RRBP1: variants seen among roughly 807,000 people sequenced by gnomAD.
RRBP1 encodes the protein ribosome-binding protein 1.
A neutral mutation model predicts 165.2 loss-of-function variants in RRBP1; 94 were observed. That is an observed-to-expected ratio of 0.57 (90% CI 0.48 to 0.68). The LOEUF (loss-of-function observed/expected upper bound fraction) is 0.68, where lower values mean the gene tolerates loss of function less well. Ranked by LOEUF, RRBP1 falls within the 30% of genes least tolerant of loss-of-function variation. The probability of loss-of-function intolerance (pLI) is 0.00; values close to 1 mark genes in which losing one functional copy is unlikely to be tolerated. For synonymous variants in RRBP1, 680 were observed against 714.5 expected (o/e 0.95, Z 0.77); for missense variants, 1,676 against 1,763.0 (o/e 0.95, Z 0.88).
intron 2 of RRBP1, among the ~76,000 whole-genome samples, chr20:17,667,702 C>T (rs770312203): frequency 3.3e-5 from 5 of 152,234 alleles, no homozygotes; most frequent in Non-Finnish European, 5.9e-5. Context: ...TTGTTTGGTT[C>T]CGGATAGCTG....
chr20:17,613,721 G>A lies in RRBP1; in HGVS notation c.*461C>T, dbSNP rs1409023626. The A allele has an allele frequency of 6.4e-6, 1 of 156,016 alleles. No individual in the cohort carries two copies. The highest frequency in any genetic ancestry group is 1.9e-4 in the East Asian group (1 of 5,354). The allele number at this position is 156,016 out of a possible 1,614,324, so 9.7% of individuals were successfully genotyped here. A position where few individuals can be genotyped will look rare whatever the true frequency, so the allele number is the denominator to read the frequency against. On this transcript the variant is annotated 3_prime_UTR_variant, in exon 25 of 25. Coordinates refer to ENST00000377813, the MANE Select transcript of RRBP1 (RefSeq NM_001365613.2). ...GTTTTAATGGCATCAACACCCAGGA[G>A]GTCACACGTCAGTTCTGGTTGGCAA...
intron 2 of RRBP1, among the ~76,000 whole-genome samples, chr20:17,674,421 T>C (rs560805870): frequency 6.6e-6 from 1 of 152,024 alleles, no homozygotes; most frequent in Admixed American, 6.6e-5. Context: ...CCTCACTTCC[T>C]AGCACGATGA....
At chr20:17,615,904 G>A in intron 22 of RRBP1, 22 bp downstream of exon 22, 1 of 1,598,490 alleles carries the variant, frequency 6.3e-7, no homozygotes, top group East Asian at 2.2e-5. Flanking sequence ...TGGGGGCTGA[G>A]AGCCACCAGG....
chr20:17,635,796 G>T, intron 6 of RRBP1, 132 bp from the exon 7 acceptor site: 1 of 723,982 alleles, frequency 1.4e-6, no homozygotes, highest in African/African-American at 1.8e-5. Flanking sequence ...CCACGTGGAA[G>T]TTAAGAGGAT....
At chr20:17,636,819 G>C (rs1055646999) in intron 5 of RRBP1, 90 bp from the exon 6 acceptor site, 36 of 1,524,682 alleles carry the variant, frequency 2.4e-5, no homozygotes, top group Non-Finnish European at 3.0e-5. Context: ...CGAGCTGGGA[G>C]GCTGGAGAGC....
chr20:17,620,451 G>T, intron 17 of RRBP1, 81 bp from the exon 18 acceptor site: 12 of 1,315,756 alleles, frequency 9.1e-6, no homozygotes, highest in Non-Finnish European at 1.3e-5. Context: ...ACCCGAGCGG[G>T]ACTGACCCAA....
At position 17,624,627 on chromosome 20, in the gene RRBP1, G is replaced by A. The variant is rs1331967502; in HGVS notation, c.3096C>T (p.Ala1032=). The A allele has an allele frequency of 3.8e-6, 6 of 1,591,992 alleles. No individual in the cohort carries two copies. In the East Asian group the frequency reaches 1.1e-4, roughly 30 times the overall value. ...EKNWKAMEAL[A]TAEQACKEKL... Reference sequence around the variant, plus strand: ...TCTCCTTGCAGGCCTGCTCGGCCGTGGCCAGTGCCTCCATGGCCTTCCAGT... The same window carrying A: ...TCTCCTTGCAGGCCTGCTCGGCCGTAGCCAGTGCCTCCATGGCCTTCCAGT... The change falls in exon 13 of 25, where the codon GCC becomes GCT. Residue 1032 remains alanine (A), a synonymous_variant. Coordinates refer to ENST00000377813, the MANE Select transcript of RRBP1 (RefSeq NM_001365613.2).
chr20:17,627,280 C>T, intron 11 of RRBP1, 68 bp downstream of exon 11: 2 of 1,543,354 alleles, frequency 1.3e-6, no homozygotes, highest in East Asian at 4.5e-5. Context: ...AAAACCCTGG[C>T]CCCCCAAGGG....
intron 3 of RRBP1, among the ~76,000 whole-genome samples, chr20:17,657,010 T>A (rs902596298): frequency 6.6e-6 from 1 of 152,220 alleles, no homozygotes; most frequent in Non-Finnish European, 1.5e-5. Context: ...ATCATCACAC[T>A]TCTGTTTTGT....
At chr20:17,648,706 T>G (rs2036506971) in intron 3 of RRBP1, among the ~76,000 whole-genome samples, 1 of 152,256 alleles carries the variant, frequency 6.6e-6, no homozygotes, top group Admixed American at 6.5e-5. Context: ...ATTGAAGAAC[T>G]GTTTTCCTCT....
intron 20 of RRBP1, 29 bp from the exon 21 acceptor site, chr20:17,616,868 T>TGCA: frequency 1.3e-6 from 2 of 1,541,826 alleles, no homozygotes; most frequent in Non-Finnish European, 1.8e-6. Flanking sequence ...TGTTTGCAAA[T>TGCA]GCACAGCCAG....
chr20:17,640,385 C>G (rs938119260), intron 5 of RRBP1, among the ~76,000 whole-genome samples: 1 of 152,192 alleles, frequency 6.6e-6, no homozygotes, highest in South Asian at 2.1e-4. Flanking sequence ...CACGAAAGGG[C>G]ACAGAATGTC....
chr20:17,654,268 T>C (rs2122422089), intron 3 of RRBP1, among the ~76,000 whole-genome samples: 1 of 152,336 alleles, frequency 6.6e-6, no homozygotes, highest in South Asian at 2.1e-4. Context: ...ATGATGGAAC[T>C]GGTGGCAGCA....
chr20:17,637,793 C>T (rs1214798047), intron 5 of RRBP1, among the ~76,000 whole-genome samples: 1 of 152,234 alleles, frequency 6.6e-6, no homozygotes, highest in Non-Finnish European at 1.5e-5. Flanking sequence ...ATCTTTTTGG[C>T]TCTGCCCGGG....
chr20:17,619,562 G>C (rs1478112662), intron 19 of RRBP1, 71 bp downstream of exon 19: 2 of 1,102,726 alleles, frequency 1.8e-6, no homozygotes, highest in African/African-American at 3.7e-5. Flanking sequence ...CCACAGGGCT[G>C]AGGAGAAGCA....
At chr20:17,681,257 G>A (rs1417138894) in intron 1 of RRBP1, among the ~76,000 whole-genome samples, 5 of 148,548 alleles carry the variant, frequency 3.4e-5, no homozygotes, top group Admixed American at 6.7e-5. Context: ...CCTCGAGCCA[G>A]GCTCCGCGCA....
intron 2 of RRBP1, among the ~76,000 whole-genome samples, chr20:17,666,827 T>C (rs1003492630): frequency 1.3e-5 from 2 of 152,252 alleles, no homozygotes; most frequent in Non-Finnish European, 1.5e-5. Flanking sequence ...CTTATATTCC[T>C]AGTTATCTTT....
chr20:17,678,025 A>G (rs1046437518), intron 2 of RRBP1, among the ~76,000 whole-genome samples: 2 of 152,220 alleles, frequency 1.3e-5, no homozygotes, highest in Admixed American at 1.3e-4. Flanking sequence ...CTAAGTTAGA[A>G]ATCACAAAAT....
chr20:17,642,204 A>G lies in RRBP1; in HGVS notation c.2062-285T>C, dbSNP rs77048711. Among the ~76,000 whole-genome samples the G allele has an allele frequency of 4.1e-4, 62 of 152,334 alleles. 1 individual carries two copies. Among genetic ancestry groups the G allele is most frequent in the Middle Eastern group, 3.4e-3 (1 of 294 alleles). ...GGTGTTGCCAGCTCCTCTGAGGGGCAGCTGGCCACCATTTCTGGCCTGGAG... is the reference window on the plus strand; with the variant it reads ...GGTGTTGCCAGCTCCTCTGAGGGGCGGCTGGCCACCATTTCTGGCCTGGAG... On this transcript the variant is annotated intron_variant, in intron 4 of 24. Coordinates refer to ENST00000377813, the MANE Select transcript of RRBP1 (RefSeq NM_001365613.2).
Sources: allele counts gnomAD v4.1 joint callset (sites outside exome capture counted in the v4.1 genomes callset), GRCh38; gene constraint gnomAD v4.1.1; transcripts MANE v1.5; gene names NCBI Gene and HGNC (gene_info 2026-07-23, HGNC 2026-07-21).